Variants in TMEM217 observed in about 807,000 individuals in gnomAD.
TMEM217 encodes transmembrane protein 217.
For synonymous variants in TMEM217, 76 were observed against 88.3 expected (o/e 0.86, Z 0.78); for missense variants, 204 against 248.8 (o/e 0.82, Z 1.21).
intron 1 of TMEM217, among the ~76,000 whole-genome samples, chr6:37,255,033 C>T (rs1403201517): frequency 6.6e-6 from 1 of 152,190 alleles, no homozygotes; most frequent in Non-Finnish European, 1.5e-5. Flanking sequence ...AGGCGGAGCT[C>T]TGGCAGTAAT....
intron 1 of TMEM217, among the ~76,000 whole-genome samples, chr6:37,221,217 C>G (rs1018513406): frequency 1.3e-5 from 2 of 149,552 alleles, no homozygotes; most frequent in Non-Finnish European, 3.0e-5. Flanking sequence ...GACGGAGTCT[C>G]GCTCTGTCGC....
At chr6:37,228,096 G>A (rs1176385351) in intron 1 of TMEM217, among the ~76,000 whole-genome samples, 3 of 152,130 alleles carry the variant, frequency 2.0e-5, no homozygotes, top group Non-Finnish European at 4.4e-5. Context: ...GTGAGGTTGA[G>A]GGGTATGAAG....
intron 1 of TMEM217, among the ~76,000 whole-genome samples, chr6:37,240,843 C>T (rs1176957370): frequency 6.6e-6 from 1 of 152,158 alleles, no homozygotes; most frequent in Non-Finnish European, 1.5e-5. Flanking sequence ...TGTTTTAGCA[C>T]ACATTTGCTA....
chr6:37,220,791 G>C (rs1455867409), intron 1 of TMEM217, among the ~76,000 whole-genome samples: 1 of 152,034 alleles, frequency 6.6e-6, no homozygotes, highest in Admixed American at 6.6e-5. Context: ...TAAGGAACAA[G>C]GCACTGTGAG....
intron 1 of TMEM217, among the ~76,000 whole-genome samples, chr6:37,255,172 T>C (rs1016709064): frequency 6.6e-6 from 1 of 152,064 alleles, no homozygotes; most frequent in East Asian, 1.9e-4. Context: ...CCTGTAGTGA[T>C]AGCGCTTTAA....
intron 1 of TMEM217, among the ~76,000 whole-genome samples, chr6:37,248,495 A>G (rs929362516): frequency 1.1e-4 from 16 of 152,100 alleles, no homozygotes; most frequent in African/African-American, 3.6e-4. Context: ...TTAGCCTAAT[A>G]TCAAAATCTG....
chr6:37,254,784 A>G (rs1313813842), intron 1 of TMEM217, among the ~76,000 whole-genome samples: 1 of 152,194 alleles, frequency 6.6e-6, no homozygotes, highest in African/African-American at 2.4e-5. Context: ...AGTGGGGTTC[A>G]CGATCTCTAG....
chr6:37,251,838 G>C (rs570345471), intron 1 of TMEM217, among the ~76,000 whole-genome samples: 1 of 152,098 alleles, frequency 6.6e-6, no homozygotes, highest in East Asian at 1.9e-4. Context: ...ACCAATGATG[G>C]GCCAAATCTG....
intron 1 of TMEM217, among the ~76,000 whole-genome samples, chr6:37,257,344 A>T (rs1310686010): frequency 6.6e-6 from 1 of 152,242 alleles, no homozygotes; most frequent in South Asian, 2.1e-4. Context: ...ACGAATGGAC[A>T]TGTAAACGGA....
At chr6:37,215,827 G>A (rs1763172493), downstream of TMEM217, among the ~76,000 whole-genome samples, 1 of 152,114 alleles carries the variant, frequency 6.6e-6, no homozygotes, top group South Asian at 2.1e-4. Context: ...ACAACACAAA[G>A]GGGTAGGCAC....
At chr6:37,226,169 T>G (rs941891622) in intron 1 of TMEM217, among the ~76,000 whole-genome samples, 4 of 152,156 alleles carry the variant, frequency 2.6e-5, no homozygotes, top group Non-Finnish European at 5.9e-5. Flanking sequence ...CTTATTTCAC[T>G]GAGTCTATGC....
chr6:37,257,907 C>G, exon 1 of TMEM217: 3 of 1,613,112 alleles, frequency 1.9e-6, no homozygotes, highest in Non-Finnish European at 2.5e-6. Context: ...GGACTTCCCC[C>G]GGCCAGAGCA....
intron 1 of TMEM217, among the ~76,000 whole-genome samples, chr6:37,227,395 C>A (rs778332648): frequency 6.6e-6 from 1 of 152,112 alleles, no homozygotes; most frequent in South Asian, 2.1e-4. Context: ...CCCATCTATG[C>A]GGCAAAACTT....
At chr6:37,223,997 C>T (rs1270422150) in intron 1 of TMEM217, among the ~76,000 whole-genome samples, 1 of 150,028 alleles carries the variant, frequency 6.7e-6, no homozygotes, top group Non-Finnish European at 1.5e-5. Context: ...AATGCAGTGG[C>T]ACGATCTCAG....
At chr6:37,216,567 C>A (rs1033726614), downstream of TMEM217, among the ~76,000 whole-genome samples, 1 of 152,080 alleles carries the variant, frequency 6.6e-6, no homozygotes, top group East Asian at 1.9e-4. Flanking sequence ...GGATGAGCAC[C>A]TGGATGGAGG....
At chr6:37,222,325 C>G (rs184913150) in intron 1 of TMEM217, among the ~76,000 whole-genome samples, 638 of 152,336 alleles carry the variant, frequency 4.2e-3, no homozygotes, top group African/African-American at 0.014. Context: ...CATGGCCCCC[C>G]CAGGGCTCGA....
rs79782910 is a variant in TMEM217, at chr6:37,219,300, A to G, written c.-11-259T>C. On this transcript the variant is annotated intron_variant, in intron 1 of 1. Coordinates refer to ENST00000357219, the Ensembl canonical transcript of TMEM217. The stretch of plus-strand genomic sequence containing the variant: ...TCAACCCTGGATCCACCTTAGAATC[A>G]CCAAAAGTACCCAAGTCCAGGCCCC... 2.9e-4 allele frequency among the ~76,000 whole-genome samples: 44 copies of G among 152,274 alleles called. No homozygotes were observed. In the East Asian group the frequency reaches 7.7e-3, roughly 27 times the overall value.
intron 1 of TMEM217, among the ~76,000 whole-genome samples, chr6:37,256,194 G>A (rs1287076278): frequency 6.6e-6 from 1 of 152,178 alleles, no homozygotes; most frequent in Non-Finnish European, 1.5e-5. Context: ...GCTCACATAG[G>A]GAAAGACAAT....
intron 1 of TMEM217, among the ~76,000 whole-genome samples, chr6:37,229,532 C>T (rs1014206724): frequency 6.6e-6 from 1 of 151,706 alleles, no homozygotes; most frequent in South Asian, 2.1e-4. Context: ...TTAGTAGAAA[C>T]GGGGTTTCAC....
Sources: allele counts gnomAD v4.1 joint callset (sites outside exome capture counted in the v4.1 genomes callset), GRCh38; gene constraint gnomAD v4.1.1; transcripts MANE v1.5; gene names NCBI Gene and HGNC (gene_info 2026-07-23, HGNC 2026-07-21).